The following ANO3 variants were observed in gnomAD, a reference collection of about 807,000 sequenced individuals.
ANO3 encodes the protein anoctamin 3.
A neutral mutation model predicts 144.8 loss-of-function variants in ANO3; 99 were observed. The observed-to-expected ratio is 0.68, with a 90% confidence interval of 0.58 to 0.81. The LOEUF is 0.81. ANO3 is among the 30% of genes least tolerant of loss of function. The probability of loss-of-function intolerance (pLI) is 0.00; values close to 1 mark genes in which losing one functional copy is unlikely to be tolerated. For missense variants in ANO3, 905 were observed against 1,202.2 expected (o/e 0.75, Z 3.66); for synonymous variants, 414 against 392.6 (o/e 1.05, Z -0.64).
At chr11:26,508,477 C>T (rs1861522537) in intron 5 of ANO3, 2 of 420,704 alleles carry the variant, frequency 4.8e-6, no homozygotes, top group Non-Finnish European at 8.2e-6. Flanking sequence ...TTTCAAAGGG[C>T]ATGACTATTT....
At position 26,226,098 on chromosome 11, in the gene ANO3, T is replaced by TA. The variant is rs1476592204; in HGVS notation, c.154+36775dup. Among the ~76,000 whole-genome samples the TA allele has an allele frequency of 7.9e-5, 12 of 152,120 alleles. 1 individual carries two copies. Among genetic ancestry groups the TA allele is most frequent in the Admixed American group, 4.6e-4 (7 of 15,274 alleles). On this transcript the variant is annotated intron_variant, in intron 1 of 27. Transcript: ENST00000672621. ...TCCCTATATCCATATTCAGTCTTCT[T>TA]AAAAAAATGATACAAAAGTGTTTCC...
intron 1 of ANO3, among the ~76,000 whole-genome samples, chr11:26,382,897 C>G (rs542894892): frequency 6.6e-6 from 1 of 152,250 alleles, no homozygotes; most frequent in African/African-American, 2.4e-5. Flanking sequence ...TGTTTTCCTA[C>G]AGTTACAAAT....
chr11:26,534,328 T>G lies in ANO3; in HGVS notation c.870-128T>G, dbSNP rs1322599243. The stretch of plus-strand genomic sequence containing the variant: ...TGAATTCTTTTTCTCTGTCAATTTT[T>G]TTTTAAAGAGGATGATTTCCCTTCT... On this transcript the variant is annotated intron_variant, in intron 8 of 26. Transcript: ENST00000256737. 5.5e-6 allele frequency: 3 copies of G among 547,434 alleles called. No homozygotes were observed. The Admixed American group carries it at 9.7e-5, about 18-fold the overall frequency. The allele number at this position is 547,434 out of a possible 1,614,324, so 33.9% of individuals were successfully genotyped here. A position where few individuals can be genotyped will look rare whatever the true frequency, so the allele number is the denominator to read the frequency against.
chr11:26,462,879 T>C (rs1859463805), intron 3 of ANO3, 151 bp from the exon 4 acceptor site: 1 of 413,762 alleles, frequency 2.4e-6, no homozygotes, highest in African/African-American at 2.1e-5. Context: ...GTATGGATTA[T>C]TTGAAAATTA....
chr11:26,314,532 T>C (rs1354793516), intron 1 of ANO3, among the ~76,000 whole-genome samples: 8 of 152,120 alleles, frequency 5.3e-5, no homozygotes, highest in Admixed American at 5.2e-4. Flanking sequence ...TGTGGAGAGA[T>C]GTGAGGCAGT....
At chr11:26,646,025 A>G (rs1336969684) in intron 23 of ANO3, among the ~76,000 whole-genome samples, 1 of 152,228 alleles carries the variant, frequency 6.6e-6, no homozygotes, top group Non-Finnish European at 1.5e-5. Context: ...ACGAAAGTGT[A>G]TAAAGAAAAC....
chr11:26,419,805 G>T (rs1293271421), intron 1 of ANO3, among the ~76,000 whole-genome samples: 1 of 152,028 alleles, frequency 6.6e-6, no homozygotes, highest in Non-Finnish European at 1.5e-5. Flanking sequence ...ATGTTTTTAT[G>T]GTGAGGAAGG....
At chr11:26,332,656 G>T (rs117692120) in intron 1 of ANO3, among the ~76,000 whole-genome samples, 2,845 of 152,142 alleles carry the variant, frequency 0.019, 58 homozygotes, top group South Asian at 0.044. Flanking sequence ...GGTGAGGACA[G>T]AAATGTTCAA....
intron 1 of ANO3, among the ~76,000 whole-genome samples, chr11:26,431,578 C>T (rs895252327): frequency 3.3e-5 from 5 of 152,222 alleles, no homozygotes; most frequent in South Asian, 2.1e-4. Context: ...TCAAATAGAC[C>T]GCAGCGTCTG....
At chr11:26,416,508 C>T (rs951244696) in intron 1 of ANO3, among the ~76,000 whole-genome samples, 1 of 151,478 alleles carries the variant, frequency 6.6e-6, no homozygotes, top group African/African-American at 2.4e-5. Flanking sequence ...CTCACTGCAA[C>T]CTCCTCCTCC....
chr11:26,248,328 G>T (rs939022649), intron 1 of ANO3, among the ~76,000 whole-genome samples: 6 of 151,998 alleles, frequency 3.9e-5, no homozygotes, highest in Admixed American at 3.9e-4. Flanking sequence ...ACAGAGTGAG[G>T]CTCTGTCTCA....
intron 1 of ANO3, among the ~76,000 whole-genome samples, chr11:26,274,742 T>C (rs952829898): frequency 3.9e-5 from 6 of 152,142 alleles, no homozygotes; most frequent in African/African-American, 1.2e-4. Flanking sequence ...TTTTGCACTT[T>C]GGAACTATGA....
chr11:26,214,647 G>C (rs1397433821), intron 1 of ANO3, among the ~76,000 whole-genome samples: 3 of 151,770 alleles, frequency 2.0e-5, no homozygotes, highest in African/African-American at 7.3e-5. Context: ...GAAAATTTCA[G>C]AAAATAGTAC....
chr11:26,471,256 T>C (rs1007717049), intron 4 of ANO3, among the ~76,000 whole-genome samples: 2 of 152,028 alleles, frequency 1.3e-5, no homozygotes, highest in South Asian at 2.1e-4. Context: ...CTCTGAGATA[T>C]ACTCTCAGAT....
At chr11:26,265,077 G>A (rs184537227) in intron 1 of ANO3, among the ~76,000 whole-genome samples, 1 of 152,100 alleles carries the variant, frequency 6.6e-6, no homozygotes, top group East Asian at 1.9e-4. Context: ...TTTTCACCAA[G>A]CAATACTCAG....
At chr11:26,560,148 T>C (rs1850230187) in intron 14 of ANO3, 1 of 185,812 alleles carries the variant, frequency 5.4e-6, no homozygotes, top group Non-Finnish European at 1.1e-5. Flanking sequence ...TCCATTCATC[T>C]TTTTTAACCT....
chr11:26,615,414 A>ATATATATATT (rs1352935016), intron 17 of ANO3, among the ~76,000 whole-genome samples: 5 of 130,694 alleles, frequency 3.8e-5, no homozygotes, highest in African/African-American at 6.0e-5. Flanking sequence ...ATATATATAT[A>ATATATATATT]TTTTTTTTTT....
At chr11:26,624,856 A>G (rs971975794) in intron 18 of ANO3, among the ~76,000 whole-genome samples, 4 of 152,176 alleles carry the variant, frequency 2.6e-5, no homozygotes, top group Non-Finnish European at 4.4e-5. Context: ...GAGATTTACA[A>G]TGAAAACCAG....
At chr11:26,643,436 G>T (rs1282886379) in intron 23 of ANO3, 102 bp downstream of exon 23, 2 of 1,422,602 alleles carry the variant, frequency 1.4e-6, no homozygotes, top group African/African-American at 2.9e-5. Flanking sequence ...AATTGCCAGT[G>T]TCATAGTATT....
Sources: allele counts gnomAD v4.1 joint callset (sites outside exome capture counted in the v4.1 genomes callset), GRCh38; gene constraint gnomAD v4.1.1; transcripts MANE v1.5; gene names NCBI Gene and HGNC (gene_info 2026-07-23, HGNC 2026-07-21).